Variants in ADK observed in about 807,000 individuals in gnomAD.
ADK encodes adenosine kinase.
ADK carries 24 observed loss-of-function variants against 44.7 expected under a neutral mutation model. The observed-to-expected ratio is 0.54, with a 90% CI of 0.39 to 0.76. The LOEUF (loss-of-function observed/expected upper bound fraction) is 0.76. Ranked by LOEUF, ADK falls within the 30% of genes least tolerant of loss-of-function variation. ADK has a pLI of 0.00. For missense variants in ADK, 321 were observed against 425.1 expected (o/e 0.76, Z 2.15); for synonymous variants, 128 against 142.6 (o/e 0.90, Z 0.73).
chr10:74,533,257 A>C (rs983959535), intron 7 of ADK, among the ~76,000 whole-genome samples: 4 of 152,224 alleles, frequency 2.6e-5, no homozygotes, highest in African/African-American at 7.2e-5. Context: ...TAATTCAGTC[A>C]GAATTTCAGA....
At chr10:74,608,195 G>A (rs544071903) in intron 9 of ADK, among the ~76,000 whole-genome samples, 5 of 151,764 alleles carry the variant, frequency 3.3e-5, no homozygotes, top group African/African-American at 1.2e-4. Context: ...TAGCTCGGCG[G>A]AATTTGTTAT....
intron 10 of ADK, among the ~76,000 whole-genome samples, chr10:74,697,736 T>C (rs779096902): frequency 1.4e-4 from 22 of 152,326 alleles, no homozygotes; most frequent in Middle Eastern, 6.8e-3. Flanking sequence ...CTTGATTCTC[T>C]GTAAATGACA....
intron 7 of ADK, among the ~76,000 whole-genome samples, chr10:74,555,488 A>G (rs145842040): frequency 7.9e-5 from 12 of 152,114 alleles, no homozygotes; most frequent in African/African-American, 2.6e-4. Context: ...GCTTATGCCT[A>G]TAATTCCAGC....
At chr10:74,374,878 A>G (rs947861389) in intron 4 of ADK, among the ~76,000 whole-genome samples, 1 of 152,110 alleles carries the variant, frequency 6.6e-6, no homozygotes, top group Non-Finnish European at 1.5e-5. Flanking sequence ...ATTATACCCC[A>G]TATTCCTTGG....
At chr10:74,500,106 A>G (rs1847839067) in intron 6 of ADK, among the ~76,000 whole-genome samples, 1 of 152,236 alleles carries the variant, frequency 6.6e-6, no homozygotes, top group Non-Finnish European at 1.5e-5. Flanking sequence ...GAAGCCCGAA[A>G]TAGAAGCCAA....
Position 74,600,395 on chromosome 10 carries a change from A to C in ADK, c.779A>C (p.Glu260Ala). Residue 260 changes from glutamate (E) to alanine (A), a missense_variant, in exon 9 of 11, where the codon GAG becomes GCG. By Grantham distance (107) the Glu-to-Ala change is moderately radical. Transcript: ENST00000539909. ...EQGFETKDIK[E>A]IAKKTQALPK... Reference sequence around the variant, plus strand: ...TATTAATAGACTAAAGACATTAAAGAGATAGCCAAAAAGACACAAGCCCTG... The same window carrying C: ...TATTAATAGACTAAAGACATTAAAGCGATAGCCAAAAAGACACAAGCCCTG... The C allele has an allele frequency of 6.2e-7, 1 of 1,609,926 alleles. No individual in the cohort carries two copies. The highest frequency in any genetic ancestry group is 2.2e-5 in the East Asian group (1 of 44,572).
At chr10:74,494,256 C>A (rs1295976651) in intron 6 of ADK, among the ~76,000 whole-genome samples, 1 of 152,066 alleles carries the variant, frequency 6.6e-6, no homozygotes, top group Non-Finnish European at 1.5e-5. Flanking sequence ...CCTCACCTAT[C>A]CAGGTTAGAT....
intron 6 of ADK, among the ~76,000 whole-genome samples, chr10:74,517,791 C>T (rs1038319361): frequency 6.6e-6 from 1 of 152,016 alleles, no homozygotes; most frequent in Non-Finnish European, 1.5e-5. Flanking sequence ...TTATTCTCTT[C>T]TATTTCTTTA....
chr10:74,171,900 G>A (rs1842171141), intron 1 of ADK, among the ~76,000 whole-genome samples: 2 of 151,762 alleles, frequency 1.3e-5, no homozygotes, highest in Admixed American at 1.3e-4. Context: ...GGCTGGGGAA[G>A]GGAAGTTGCT....
intron 9 of ADK, among the ~76,000 whole-genome samples, chr10:74,619,782 G>A (rs1417252224): frequency 3.3e-5 from 5 of 152,144 alleles, no homozygotes; most frequent in African/African-American, 7.2e-5. Context: ...GTGCAGTGGC[G>A]TGATCACAGC....
chr10:74,422,730 A>G (rs556675733), intron 6 of ADK, among the ~76,000 whole-genome samples: 1 of 152,194 alleles, frequency 6.6e-6, no homozygotes, highest in Non-Finnish European at 1.5e-5. Flanking sequence ...ATAGAGAAAA[A>G]GTCAGTTCCA....
At chr10:74,415,587 T>C (rs1844341224) in intron 6 of ADK, among the ~76,000 whole-genome samples, 1 of 152,182 alleles carries the variant, frequency 6.6e-6, no homozygotes, top group Non-Finnish European at 1.5e-5. Context: ...TAATCTTTCT[T>C]ATCAGCTTTT....
intron 4 of ADK, among the ~76,000 whole-genome samples, chr10:74,329,202 A>AT (rs1461162931): frequency 6.7e-6 from 1 of 148,154 alleles, no homozygotes; most frequent in African/African-American, 2.5e-5. Context: ...ACTCTGCCAT[A>AT]TTTTTTAAAG....
intron 3 of ADK, among the ~76,000 whole-genome samples, chr10:74,268,279 C>T (rs758166492): frequency 8.5e-5 from 13 of 152,066 alleles, no homozygotes; most frequent in Non-Finnish European, 1.2e-4. Context: ...GATTGCGCCA[C>T]TGCACTCCAG....
chr10:74,679,760 G>A (rs1356945392), intron 10 of ADK, among the ~76,000 whole-genome samples: 1 of 151,696 alleles, frequency 6.6e-6, no homozygotes. Flanking sequence ...TCAGGAGTTC[G>A]AGACCAGCCT....
chr10:74,382,100 T>G (rs1489388821), intron 4 of ADK, among the ~76,000 whole-genome samples: 1 of 152,082 alleles, frequency 6.6e-6, no homozygotes, highest in East Asian at 1.9e-4. Context: ...TTCCTCACCT[T>G]CCTTTTTCTT....
intron 9 of ADK, among the ~76,000 whole-genome samples, chr10:74,617,998 C>T (rs941621327): frequency 2.6e-5 from 4 of 152,166 alleles, no homozygotes; most frequent in Admixed American, 2.6e-4. Context: ...CCTTCTTAAT[C>T]TCTAATGATG....
At chr10:74,224,490 T>G in intron 2 of ADK, 48 bp from the exon 3 acceptor site, 1 of 1,491,238 alleles carries the variant, frequency 6.7e-7, no homozygotes, top group Non-Finnish European at 9.3e-7. Context: ...TAACTTACGT[T>G]GACACTGTGT....
At chr10:74,361,708 T>G (rs1158472730) in intron 4 of ADK, among the ~76,000 whole-genome samples, 1 of 152,250 alleles carries the variant, frequency 6.6e-6, no homozygotes. Context: ...TTTCTTCCAG[T>G]TTGAAGAAGT....
Sources: allele counts gnomAD v4.1 joint callset (sites outside exome capture counted in the v4.1 genomes callset), GRCh38; gene constraint gnomAD v4.1.1; transcripts MANE v1.5; gene names NCBI Gene and HGNC (gene_info 2026-07-23, HGNC 2026-07-21).